Variants in ZNF33B observed in about 807,000 individuals in gnomAD.
The protein encoded by ZNF33B is zinc finger protein 33B.
Under a neutral mutation model 45.8 loss-of-function variants are expected in ZNF33B, and 29 were observed. That is an observed-to-expected ratio of 0.63 (90% confidence interval 0.47 to 0.86). The LOEUF is 0.86. ZNF33B is among the 40% of genes least tolerant of loss of function. The probability of loss-of-function intolerance (pLI) is 0.00; values close to 1 mark genes in which losing one functional copy is unlikely to be tolerated. For synonymous variants in ZNF33B, 305 were observed against 307.8 expected, an observed-to-expected ratio of 0.99 and a Z score of 0.10; for missense variants, 831 against 909.9, an observed-to-expected ratio of 0.91 and a Z score of 1.12.
chr10:42,624,879 T>C (rs537730062), intron 4 of ZNF33B, among the ~76,000 whole-genome samples: 1 of 152,136 alleles, frequency 6.6e-6, no homozygotes, highest in Non-Finnish European at 1.5e-5. Context: ...TTAATATTTT[T>C]GAACCACAGT....
chr10:42,604,021 A>C (rs1297117517), intron 4 of ZNF33B, among the ~76,000 whole-genome samples: 1 of 152,248 alleles, frequency 6.6e-6, no homozygotes, highest in Admixed American at 6.5e-5. Flanking sequence ...TCTATTCTTC[A>C]ACAAAAAAAT....
chr10:42,631,677 A>G (rs1330055483), intron 4 of ZNF33B: 2 of 383,744 alleles, frequency 5.2e-6, no homozygotes, highest in African/African-American at 2.1e-5. Context: ...AGTAAAGTTG[A>G]GGTGGGCAAA....
rs1252891873 is a variant in ZNF33B at position 42,592,215 on chromosome 10, A to G, written c.*398T>C. On this transcript the variant is annotated 3_prime_UTR_variant, in exon 5 of 5. Coordinates refer to ENST00000359467, the MANE Select transcript of ZNF33B (RefSeq NM_006955.3). ...ATTATTGTTAGATACCTTAAAAACTATTATGGCATCAAACTCAAAACAGAA... is the reference window on the plus strand; with the variant it reads ...ATTATTGTTAGATACCTTAAAAACTGTTATGGCATCAAACTCAAAACAGAA... 1.6e-5 allele frequency: 5 copies of G among 311,840 alleles called. No homozygotes were observed. The highest frequency in any genetic ancestry group is 1.1e-4 in the African/African-American group (5 of 44,866). The allele number at this position is 311,840 out of a possible 1,614,324, so 19.3% of individuals were successfully genotyped here. A position where few individuals can be genotyped will look rare whatever the true frequency, so the allele number is the denominator to read the frequency against.
At chr10:42,584,346 GCAA>G (rs769607871), downstream of ZNF33B, among the ~76,000 whole-genome samples, 3 of 152,104 alleles carry the variant, frequency 2.0e-5, no homozygotes, top group African/African-American at 2.4e-5. Context: ...AGCAAGGATC[GCAA>G]CAACAAGGTC....
chr10:42,635,309 T>C (rs979919887), intron 2 of ZNF33B, among the ~76,000 whole-genome samples: 1 of 151,802 alleles, frequency 6.6e-6, no homozygotes, highest in African/African-American at 2.4e-5. Flanking sequence ...CTGTCACAAT[T>C]AGTCAACTCT....
At chr10:42,577,734 T>C (rs34935445) in intron 1 of ZNF33B, among the ~76,000 whole-genome samples, 19,511 of 152,216 alleles carry the variant, frequency 0.13, 1,587 homozygotes, top group African/African-American at 0.22. Flanking sequence ...TTCATGAGTA[T>C]CCTGGCAAGT....
chr10:42,635,957 C>CG (rs1483505590), intron 2 of ZNF33B, among the ~76,000 whole-genome samples: 2 of 151,642 alleles, frequency 1.3e-5, no homozygotes, highest in Non-Finnish European at 2.9e-5. Context: ...GGTGAAACCC[C>CG]GTCTCTACTA....
Position 42,592,540 on chromosome 10 carries a change from C to G in ZNF33B, c.*73G>C. ...ATTGAACATTCAGGATGTCAACAGG[C>G]CCTTCTCCACAGTGTGAAGACTCTG... On this transcript the variant is annotated 3_prime_UTR_variant, in exon 5 of 5. Transcript: ENST00000359467. The G allele has an allele frequency of 1.3e-6, 2 of 1,524,406 alleles. No homozygotes were observed. Among genetic ancestry groups the G allele is most frequent in the Non-Finnish European group, 1.8e-6 (2 of 1,132,976 alleles). The allele number at this position is 1,524,406 out of a possible 1,614,324, so 94.4% of individuals were successfully genotyped here. A position where few individuals can be genotyped will look rare whatever the true frequency, so the allele number is the denominator to read the frequency against.
rs111869081 is a variant in ZNF33B at position 42,621,030 on chromosome 10, T to C, written c.250+10899A>G. 8.9e-3 allele frequency among the ~76,000 whole-genome samples: 1,349 copies of C among 152,128 alleles called. 17 individuals are homozygous for C. Among genetic ancestry groups the C allele is most frequent in the African/African-American group, 0.031 (1,271 of 41,506 alleles). On this transcript the variant is annotated intron_variant, in intron 4 of 4. Transcript: ENST00000359467. ...AGAAACTGACAGTTCTTACAGTTAA[T>C]AGTTTTAGACTGAGGCTGGGCATGG...
At chr10:42,624,192 A>G (rs2132136624) in intron 4 of ZNF33B, among the ~76,000 whole-genome samples, 1 of 152,278 alleles carries the variant, frequency 6.6e-6, no homozygotes, top group South Asian at 2.1e-4. Context: ...CCCCACCCTC[A>G]TGACCTAATC....
chr10:42,583,860 T>C (rs1173002958), intron 1 of ZNF33B, among the ~76,000 whole-genome samples: 1 of 152,034 alleles, frequency 6.6e-6, no homozygotes, highest in Non-Finnish European at 1.5e-5. Context: ...ACATCCTTGT[T>C]TCCCTTTCTC....
intron 2 of ZNF33B, among the ~76,000 whole-genome samples, chr10:42,633,314 C>G (rs1274399793): frequency 1.3e-5 from 2 of 152,134 alleles, no homozygotes; most frequent in African/African-American, 4.8e-5. Flanking sequence ...TGGATATCCT[C>G]TAGGGCACAT....
chr10:42,600,471 A>G (rs1179261043), intron 4 of ZNF33B, among the ~76,000 whole-genome samples: 1 of 152,078 alleles, frequency 6.6e-6, no homozygotes, highest in East Asian at 1.9e-4. Context: ...AAGCTACTTC[A>G]TCTGGCTGTC....
At chr10:42,634,300 G>C (rs1350529737) in intron 2 of ZNF33B, among the ~76,000 whole-genome samples, 1 of 151,924 alleles carries the variant, frequency 6.6e-6, no homozygotes, top group Non-Finnish European at 1.5e-5. Flanking sequence ...CCAGTTGCTG[G>C]AGAGGCTGAG....
intron 4 of ZNF33B, among the ~76,000 whole-genome samples, chr10:42,613,888 C>T (rs994547141): frequency 3.3e-5 from 5 of 152,118 alleles, no homozygotes; most frequent in African/African-American, 1.2e-4. Context: ...ACAGGGTTAC[C>T]TGAAGAAATG....
chr10:42,589,453 C>T lies in ZNF33B; in HGVS notation c.*3160G>A, dbSNP rs1837014351. On this transcript the variant is annotated 3_prime_UTR_variant, in exon 5 of 5. Coordinates refer to ENST00000359467, the MANE Select transcript of ZNF33B (RefSeq NM_006955.3). ...TAAAAATCACCTACCTGCCATCCCT[C>T]CTTTCCCCTCAACTCTCAGCAACCA... The T allele has an allele frequency of 6.6e-6, 1 of 152,216 alleles. No individual in the cohort carries two copies. The highest frequency in any genetic ancestry group is 1.5e-5 in the Non-Finnish European group (1 of 68,042). The allele number at this position is 152,216 out of a possible 1,614,324, so 9.4% of individuals were successfully genotyped here.
intron 4 of ZNF33B, among the ~76,000 whole-genome samples, chr10:42,629,527 G>A (rs905952177): frequency 6.6e-6 from 1 of 152,084 alleles, no homozygotes; most frequent in African/African-American, 2.4e-5. Flanking sequence ...ATTATTACAC[G>A]TTGTGTGCCT....
At chr10:42,584,294 T>C (rs1836885060), downstream of ZNF33B, among the ~76,000 whole-genome samples, 2 of 152,212 alleles carry the variant, frequency 1.3e-5, no homozygotes, top group South Asian at 2.1e-4. Flanking sequence ...CTGGGAGTTC[T>C]GCCCTTCAAG....
In ZNF33B at chr10:42,592,457, T is replaced by G. The variant is rs1336780691; in HGVS notation, c.*156A>C. On this transcript the variant is annotated 3_prime_UTR_variant, in exon 5 of 5. Coordinates refer to ENST00000359467, the MANE Select transcript of ZNF33B (RefSeq NM_006955.3). ...AAGCCATCCTATAGTTGTTGTAGTCTATGGGTTTATCCCCTACTGTTACTT... is the reference window on the plus strand; with the variant it reads ...AAGCCATCCTATAGTTGTTGTAGTCGATGGGTTTATCCCCTACTGTTACTT... The G allele has an allele frequency of 9.2e-7, 1 of 1,088,118 alleles. No homozygotes were observed. The highest frequency in any genetic ancestry group is 1.6e-5 in the African/African-American group (1 of 63,580). 67.4% of individuals were successfully genotyped at this position (1,088,118 alleles called of 1,614,324 possible).
Sources: gnomAD v4.1 joint callset for allele counts (sites outside exome capture counted in the v4.1 genomes callset) on GRCh38, gnomAD v4.1.1 for gene constraint, MANE v1.5 for transcripts, NCBI Gene and HGNC (gene_info 2026-07-23, HGNC 2026-07-21) for gene names.